The following CYB5R4 variants were observed in gnomAD, a reference collection of about 807,000 sequenced individuals.
The protein encoded by CYB5R4 is cytochrome b5 reductase 4.
In CYB5R4, 55 loss-of-function variants were observed where a neutral mutation model predicts 70.2. The ratio of observed to expected loss-of-function variants is 0.78; its 90% CI spans 0.63 to 0.98. CYB5R4 has a LOEUF of 0.98. Ranked by LOEUF, CYB5R4 falls within the 50% of genes least tolerant of loss-of-function variation. The probability of loss-of-function intolerance (pLI) is 0.00; values close to 1 mark genes in which losing one functional copy is unlikely to be tolerated. For synonymous variants in CYB5R4, 197 were observed against 199.5 expected, an observed-to-expected ratio of 0.99 and a Z score of 0.11; for missense variants, 562 against 612.6, an observed-to-expected ratio of 0.92 and a Z score of 0.87.
At chr6:83,872,007 A>G (rs942761967) in intron 2 of CYB5R4, among the ~76,000 whole-genome samples, 1 of 151,128 alleles carries the variant, frequency 6.6e-6, no homozygotes, top group South Asian at 2.1e-4. Flanking sequence ...GTTGTTTTCT[A>G]TTTTGTTACT....
intron 8 of CYB5R4, among the ~76,000 whole-genome samples, chr6:83,922,086 C>A (rs1255748958): frequency 6.6e-6 from 1 of 152,166 alleles, no homozygotes; most frequent in East Asian, 1.9e-4. Context: ...CACTCACACA[C>A]TGGGGCTTGC....
At chr6:83,948,751 T>G (rs2099471062) in intron 14 of CYB5R4, among the ~76,000 whole-genome samples, 2 of 152,280 alleles carry the variant, frequency 1.3e-5, no homozygotes, top group South Asian at 4.1e-4. Flanking sequence ...TAGAGTCAAC[T>G]GTGTTTTTTC....
chr6:83,878,963 A>G (rs2099459025), intron 2 of CYB5R4, among the ~76,000 whole-genome samples: 1 of 152,088 alleles, frequency 6.6e-6, no homozygotes, highest in African/African-American at 2.4e-5. Flanking sequence ...ATATCTTTGC[A>G]GGATCTTTCT....
At chr6:83,909,489 T>G (rs2099464337) in intron 4 of CYB5R4, among the ~76,000 whole-genome samples, 1 of 152,234 alleles carries the variant, frequency 6.6e-6, no homozygotes, top group Non-Finnish European at 1.5e-5. Context: ...TCACTATAGA[T>G]AACCCCTATT....
intron 6 of CYB5R4, among the ~76,000 whole-genome samples, chr6:83,918,708 C>T (rs2099465888): frequency 6.6e-6 from 1 of 151,946 alleles, no homozygotes; most frequent in South Asian, 2.1e-4. Flanking sequence ...ATATATATTT[C>T]GTTAATGACA....
Position 83,959,915 on chromosome 6 carries a change from T to C in CYB5R4, c.*37T>C. ...CATTGTCCTTTATTCAACTAGTTTA[T>C]CTAAATTTGTGATTGCTTAGGGTTT... On this transcript the variant is annotated 3_prime_UTR_variant, in exon 16 of 16. Transcript: ENST00000369681. 1 of 1,513,052 alleles carries C rather than the reference T, an allele frequency of 6.6e-7. No individual in the cohort carries two copies. Among genetic ancestry groups the C allele is most frequent in the South Asian group, 1.3e-5 (1 of 78,914 alleles). 93.7% of individuals were successfully genotyped at this position (1,513,052 alleles called of 1,614,324 possible).
chr6:83,953,012 A>G (rs141549725), intron 14 of CYB5R4, among the ~76,000 whole-genome samples: 58 of 152,266 alleles, frequency 3.8e-4, no homozygotes, highest in African/African-American at 1.4e-3. Flanking sequence ...TATGCAGCCC[A>G]CTAATCTGGA....
At chr6:83,883,921 T>C (rs2099459845) in intron 2 of CYB5R4, among the ~76,000 whole-genome samples, 1 of 151,918 alleles carries the variant, frequency 6.6e-6, no homozygotes, top group African/African-American at 2.4e-5. Context: ...GGATATATAC[T>C]ACAGTTCCTA....
At chr6:83,937,997 T>A (rs911037442) in intron 12 of CYB5R4, among the ~76,000 whole-genome samples, 2 of 152,240 alleles carry the variant, frequency 1.3e-5, no homozygotes, top group Non-Finnish European at 1.5e-5. Context: ...TACATTGGGA[T>A]ACCAGTGAAG....
intron 2 of CYB5R4, among the ~76,000 whole-genome samples, chr6:83,874,174 C>T (rs1588560114): frequency 1.0e-5 from 1 of 98,900 alleles, no homozygotes; most frequent in African/African-American, 4.1e-5. Context: ...CCCTCCCCTC[C>T]CCTCCCCTCC....
intron 3 of CYB5R4, among the ~76,000 whole-genome samples, chr6:83,902,307 A>G (rs1451063375): frequency 6.6e-6 from 1 of 152,010 alleles, no homozygotes; most frequent in African/African-American, 2.4e-5. Context: ...TCTTGACGTC[A>G]TTGTTGAAAA....
At chr6:83,919,358 G>T (rs1445167583) in intron 6 of CYB5R4, 39 bp from the exon 7 acceptor site, 3 of 1,101,042 alleles carry the variant, frequency 2.7e-6, no homozygotes, top group Non-Finnish European at 4.0e-6. Context: ...GCACATGATT[G>T]TCAATATAAT....
At chr6:83,896,493 G>A (rs1326452155) in intron 3 of CYB5R4, among the ~76,000 whole-genome samples, 1 of 152,044 alleles carries the variant, frequency 6.6e-6, no homozygotes, top group African/African-American at 2.4e-5. Flanking sequence ...AAATTTTGTA[G>A]CTCCTATGAG....
intron 15 of CYB5R4, among the ~76,000 whole-genome samples, chr6:83,956,562 A>G (rs563066441): frequency 1.2e-4 from 18 of 152,204 alleles, no homozygotes; most frequent in Middle Eastern, 6.8e-3. Context: ...ATAGATGACA[A>G]TGTTTCCTGT....
At chr6:83,916,257 G>T (rs1273018119) in intron 5 of CYB5R4, among the ~76,000 whole-genome samples, 5 of 151,924 alleles carry the variant, frequency 3.3e-5, no homozygotes, top group African/African-American at 1.2e-4. Context: ...CACAGTACTG[G>T]CACCGAGCTT....
intron 1 of CYB5R4, 77 bp downstream of exon 1, chr6:83,859,934 AC>A: frequency 7.4e-7 from 1 of 1,353,476 alleles, no homozygotes; most frequent in Non-Finnish European, 1.0e-6. Context: ...TTCCGCCCCA[AC>A]TCCCAGCTCC....
chr6:83,949,752 C>T (rs1472416331), intron 14 of CYB5R4, among the ~76,000 whole-genome samples: 2 of 152,074 alleles, frequency 1.3e-5, no homozygotes, highest in African/African-American at 4.8e-5. Context: ...AAATGGAATT[C>T]TTCAAAATAA....
In CYB5R4 at chr6:83,960,614, T is replaced by C. The variant is rs1302701379; in HGVS notation, c.*736T>C. On this transcript the variant is annotated 3_prime_UTR_variant, in exon 16 of 16. Coordinates refer to ENST00000369681, the MANE Select transcript of CYB5R4 (RefSeq NM_016230.4). The stretch of plus-strand genomic sequence containing the variant: ...TACTCTTAGCCAAAAACAAAGACAT[T>C]AGGAAAGAGAGTGAAAGTATAGTGT... 2 of 152,128 alleles carry C rather than the reference T, an allele frequency of 1.3e-5. No homozygotes were observed. The highest frequency in any genetic ancestry group is 1.3e-4 in the Admixed American group (2 of 15,260). The allele number at this position is 152,128 out of a possible 1,614,324, so 9.4% of individuals were successfully genotyped here.
At position 83,952,173 on chromosome 6, in the gene CYB5R4, G is replaced by A. The variant is rs746148115; in HGVS notation, c.1347-3125G>A. ...TGGAAATGGGTCACAAAGGAAACGG[G>A]ACTATTTACCCACTTATATGCACCA... On this transcript the variant is annotated intron_variant, in intron 14 of 15. Transcript: ENST00000369681. Among the ~76,000 whole-genome samples, 34 of 152,134 alleles carry A rather than the reference G, an allele frequency of 2.2e-4. 1 individual carries two copies. Among genetic ancestry groups the A allele is most frequent in the Middle Eastern group, 6.8e-3 (2 of 294 alleles).
Sources: allele counts gnomAD v4.1 joint callset (sites outside exome capture counted in the v4.1 genomes callset), GRCh38; gene constraint gnomAD v4.1.1; transcripts MANE v1.5; gene names NCBI Gene and HGNC (gene_info 2026-07-23, HGNC 2026-07-21).